CACNA2D1: variants seen among roughly 807,000 people sequenced by gnomAD.
CACNA2D1 encodes voltage-dependent calcium channel subunit alpha-2/delta-1.
A neutral mutation model predicts 171.5 loss-of-function variants in CACNA2D1; 53 were observed. The ratio of observed to expected loss-of-function variants is 0.31; its 90% CI spans 0.25 to 0.39. CACNA2D1 has a LOEUF of 0.39. Among genes scored for constraint, CACNA2D1 ranks in the 10% least tolerant of loss-of-function variants. The pLI, the probability that CACNA2D1 is intolerant of heterozygous loss-of-function variation, is 1.00. For synonymous variants in CACNA2D1, 442 were observed against 443.1 expected, an observed-to-expected ratio of 1.00 and a Z score of 0.03; for missense variants, 903 against 1,299.8, an observed-to-expected ratio of 0.69 and a Z score of 4.69.
chr7:82,194,912 A>G (rs1798700221), intron 3 of CACNA2D1, among the ~76,000 whole-genome samples: 1 of 151,980 alleles, frequency 6.6e-6, no homozygotes, highest in African/African-American at 2.4e-5. Flanking sequence ...GGCGGGGGAG[A>G]TAGAGACAGA....
rs560891272 is a variant in CACNA2D1, at chr7:82,414,686, G to GT, written c.95+28678dup. Among the ~76,000 whole-genome samples the GT allele has an allele frequency of 2.9e-3, 444 of 152,302 alleles. 2 individuals carry two copies. The highest frequency in any genetic ancestry group is 0.01 in the African/African-American group (419 of 41,566). The stretch of plus-strand genomic sequence containing the variant: ...TGATTCTGATCCATTCGAAGGAGGT[G>GT]TATGTGTCCAGAATGTTTATTGTAA... On this transcript the variant is annotated intron_variant, in intron 1 of 38. Transcript: ENST00000356860.
intron 3 of CACNA2D1, among the ~76,000 whole-genome samples, chr7:82,305,621 C>T (rs1813628568): frequency 6.6e-6 from 1 of 152,244 alleles, no homozygotes; most frequent in Non-Finnish European, 1.5e-5. Context: ...AGTCCCTATA[C>T]TTTTTATAAC....
intron 6 of CACNA2D1, among the ~76,000 whole-genome samples, chr7:82,085,243 C>T (rs984588204): frequency 1.3e-5 from 2 of 152,154 alleles, no homozygotes; most frequent in Admixed American, 6.6e-5. Context: ...AGCAGCATCT[C>T]TGGCCTCTAT....
At chr7:82,399,456 A>G (rs1017543071) in intron 1 of CACNA2D1, among the ~76,000 whole-genome samples, 1 of 152,048 alleles carries the variant, frequency 6.6e-6, no homozygotes, top group Non-Finnish European at 1.5e-5. Flanking sequence ...AAAAACAAAA[A>G]AACTCTGTTT....
chr7:82,156,728 G>A (rs1232577057), intron 4 of CACNA2D1, among the ~76,000 whole-genome samples: 1 of 151,654 alleles, frequency 6.6e-6, no homozygotes, highest in Non-Finnish European at 1.5e-5. Context: ...TTGTGAACAA[G>A]TAAATTGAAA....
chr7:82,295,199 A>G (rs188733573), intron 3 of CACNA2D1, among the ~76,000 whole-genome samples: 1 of 152,366 alleles, frequency 6.6e-6, no homozygotes, highest in East Asian at 1.9e-4. Flanking sequence ...TTCTTGTTAC[A>G]GTAAAATAAC....
intron 3 of CACNA2D1, among the ~76,000 whole-genome samples, chr7:82,262,183 T>G (rs1166922601): frequency 6.6e-6 from 1 of 152,016 alleles, no homozygotes; most frequent in Admixed American, 6.6e-5. Flanking sequence ...TACAACAAAT[T>G]AGCCAGGCGT....
chr7:81,982,069 G>A (rs73379536), intron 24 of CACNA2D1, among the ~76,000 whole-genome samples: 2,020 of 152,140 alleles, frequency 0.013, 34 homozygotes, highest in African/African-American at 0.046. Context: ...TGTTCTACAA[G>A]AGCAAAGCCT....
intron 3 of CACNA2D1, among the ~76,000 whole-genome samples, chr7:82,201,658 G>A (rs1320893273): frequency 1.3e-5 from 2 of 152,128 alleles, no homozygotes; most frequent in Non-Finnish European, 2.9e-5. Flanking sequence ...CTGAACAGAG[G>A]CTCCTCAGAG....
Position 81,949,090 on chromosome 7 carries a change from G to A in CACNA2D1, c.*1302C>T, listed in dbSNP as rs1336070082. 2.0e-5 allele frequency: 3 copies of A among 151,992 alleles called. No individual in the cohort carries two copies. The highest frequency in any genetic ancestry group is 7.2e-5 in the African/African-American group (3 of 41,428). The allele number at this position is 151,992 out of a possible 1,614,324, so 9.4% of individuals were successfully genotyped here. On this transcript the variant is annotated 3_prime_UTR_variant, in exon 39 of 39. Coordinates refer to ENST00000356860, the MANE Select transcript of CACNA2D1 (RefSeq NM_000722.4). ...CATTTAAAATGGAAGGGCAAAAGCA[G>A]CAGTAGCAGGAACTTTTGGATTGTA...
intron 1 of CACNA2D1, among the ~76,000 whole-genome samples, chr7:82,354,531 T>C (rs951862275): frequency 3.9e-5 from 6 of 152,150 alleles, no homozygotes; most frequent in Admixed American, 2.6e-4. Flanking sequence ...CTGGAATAAC[T>C]AGAACAAAAG....
chr7:82,340,032 C>A (rs1157911292), intron 2 of CACNA2D1, among the ~76,000 whole-genome samples: 1 of 152,186 alleles, frequency 6.6e-6, no homozygotes, highest in Non-Finnish European at 1.5e-5. Context: ...GCCAACACTG[C>A]TGGCTTTGAA....
At chr7:82,154,414 C>T (rs1794162195) in intron 4 of CACNA2D1, among the ~76,000 whole-genome samples, 1 of 151,998 alleles carries the variant, frequency 6.6e-6, no homozygotes, top group Non-Finnish European at 1.5e-5. Context: ...GTTCTCACTC[C>T]TAAGTGGGAG....
chr7:82,097,731 G>C (rs190599263), intron 6 of CACNA2D1, among the ~76,000 whole-genome samples: 53 of 152,238 alleles, frequency 3.5e-4, no homozygotes, highest in African/African-American at 1.3e-3. Context: ...TCAGATTTGG[G>C]AATCATGTTT....
chr7:82,393,359 A>C (rs1825413176), intron 1 of CACNA2D1, among the ~76,000 whole-genome samples: 1 of 152,216 alleles, frequency 6.6e-6, no homozygotes, highest in Admixed American at 6.6e-5. Flanking sequence ...TATATGATCC[A>C]TGCTGGAGGC....
chr7:82,405,279 T>A (rs1585842010), intron 1 of CACNA2D1, among the ~76,000 whole-genome samples: 1 of 152,160 alleles, frequency 6.6e-6, no homozygotes, highest in African/African-American at 2.4e-5. Context: ...ACTTTCTTTT[T>A]AAATGTATGT....
At chr7:81,989,229 G>T (rs1404946669) in intron 21 of CACNA2D1, among the ~76,000 whole-genome samples, 1 of 152,220 alleles carries the variant, frequency 6.6e-6, no homozygotes, top group Non-Finnish European at 1.5e-5. Context: ...TAAATTCACA[G>T]AGCTGACGGT....
Position 81,974,428 on chromosome 7 carries a change from A to G in CACNA2D1, c.2053+27T>C, listed in dbSNP as rs775477775. Reference sequence around the variant, plus strand: ...TAAACCAATAGAACCACACTCAAGCAATCATTTTGAATTAATGCATACTTA... The same window carrying G: ...TAAACCAATAGAACCACACTCAAGCGATCATTTTGAATTAATGCATACTTA... On this transcript the variant is annotated intron_variant, in intron 25 of 38. Coordinates refer to ENST00000356860, the MANE Select transcript of CACNA2D1 (RefSeq NM_000722.4). 3.2e-5 allele frequency: 35 copies of G among 1,087,584 alleles called. No individual in the cohort carries two copies. In the African/African-American group the frequency reaches 4.8e-4, roughly 15 times the overall value. 67.4% of individuals were successfully genotyped at this position (1,087,584 alleles called of 1,614,324 possible). A position where few individuals can be genotyped will look rare whatever the true frequency, so the allele number is the denominator to read the frequency against.
chr7:82,265,419 T>TC (rs2129339742), intron 3 of CACNA2D1, among the ~76,000 whole-genome samples: 1 of 138,882 alleles, frequency 7.2e-6, no homozygotes, highest in South Asian at 2.1e-4. Context: ...TTCCTTTCTT[T>TC]TTTTTTTTTT....
Sources: gnomAD v4.1 joint callset for allele counts (sites outside exome capture counted in the v4.1 genomes callset) on GRCh38, gnomAD v4.1.1 for gene constraint, MANE v1.5 for transcripts, NCBI Gene and HGNC (gene_info 2026-07-23, HGNC 2026-07-21) for gene names.